ECHDC3: variants seen among roughly 807,000 people sequenced by gnomAD.
ECHDC3 encodes enoyl-CoA hydratase domain containing 3.
ECHDC3 carries 20 observed loss-of-function variants against 17.9 expected under a neutral mutation model. That is an observed-to-expected ratio of 1.12 (90% CI 0.79 to 1.63). The LOEUF is 1.63. Among genes scored for constraint, ECHDC3 ranks in the 40% most tolerant of loss-of-function variants. The probability of loss-of-function intolerance (pLI) is 0.00; values close to 1 mark genes in which losing one functional copy is unlikely to be tolerated. For missense variants in ECHDC3, 407 were observed against 357.7 expected (o/e 1.14, Z -1.11); for synonymous variants, 177 against 149.7 (o/e 1.18, Z -1.33).
intron 1 of ECHDC3, among the ~76,000 whole-genome samples, chr10:11,746,805 G>A (rs1172353391): frequency 6.6e-6 from 1 of 152,002 alleles, no homozygotes; most frequent in Non-Finnish European, 1.5e-5. Context: ...TGTGGTGGCG[G>A]GCACCTGTAG....
At chr10:11,755,690 C>T (rs1310418766) in intron 4 of ECHDC3, 82 bp downstream of exon 4, 10 of 1,333,122 alleles carry the variant, frequency 7.5e-6, no homozygotes, top group Admixed American at 2.1e-5. Flanking sequence ...ATTCAAGATC[C>T]GCTTGTTAAA....
At chr10:11,743,027 C>A (rs968277114) in intron 1 of ECHDC3, 14 of 309,854 alleles carry the variant, frequency 4.5e-5, no homozygotes, top group Non-Finnish European at 6.5e-5. Flanking sequence ...GGGCTCTGGG[C>A]CCCAGACCCG....
At position 11,763,540 on chromosome 10, in the gene ECHDC3, TGTGA is replaced by T; in HGVS notation, c.912_*3del. 1 of 1,496,126 alleles carries T rather than the reference TGTGA, an allele frequency of 6.7e-7. No individual in the cohort carries two copies. The highest frequency in any genetic ancestry group is 9.0e-7 in the Non-Finnish European group (1 of 1,109,454). The allele number at this position is 1,496,126 out of a possible 1,614,324, so 92.7% of individuals were successfully genotyped here. ...AAACCTGTCTGGTCACACGAGCCAG[TGTGA>T]GTGGAGGCAGAGGAGTGAGGCCCAC... On this transcript the variant is annotated frameshift_variant and stop_lost, in exon 5 of 5. Transcript: ENST00000379215. LOFTEE classifies it high-confidence loss of function. The surrounding 1 kb of genome is among the most constrained non-coding windows in gnomAD (Gnocchi z 4.9).
intron 1 of ECHDC3, among the ~76,000 whole-genome samples, chr10:11,746,222 GGAGCCTGAGGCAA>G (rs1363046701): frequency 6.6e-6 from 1 of 151,710 alleles, no homozygotes; most frequent in Non-Finnish European, 1.5e-5. Context: ...CAGCTACTTG[GGAGCCTGAGGCAA>G]GAGAATCACT....
intron 1 of ECHDC3, among the ~76,000 whole-genome samples, chr10:11,744,789 G>C (rs1832742768): frequency 6.6e-6 from 1 of 152,176 alleles, no homozygotes; most frequent in African/African-American, 2.4e-5. Flanking sequence ...GCACTGCTCA[G>C]ATAAGAAAGA....
chr10:11,752,034 G>A (rs1050549957), intron 3 of ECHDC3: 1 of 152,018 alleles, frequency 6.6e-6, no homozygotes, highest in African/African-American at 2.4e-5. Context: ...ACTATCAAGT[G>A]TTTGATTATT....
intron 3 of ECHDC3, among the ~76,000 whole-genome samples, chr10:11,750,145 A>G (rs1247007539): frequency 6.6e-6 from 1 of 152,102 alleles, no homozygotes; most frequent in Non-Finnish European, 1.5e-5. Context: ...ATTTTGTTTT[A>G]TACCAAAGAA....
intron 3 of ECHDC3, 110 bp downstream of exon 3, chr10:11,749,702 C>G (rs1832802345): frequency 2.3e-6 from 2 of 880,122 alleles, no homozygotes; most frequent in Non-Finnish European, 3.4e-6. Flanking sequence ...ACCCAAACAC[C>G]CAGAGCAACT....
intron 1 of ECHDC3, chr10:11,742,947 A>C (rs1424863929): frequency 2.6e-5 from 13 of 498,548 alleles, no homozygotes; most frequent in East Asian, 4.0e-5. Context: ...CGGGGCTCCA[A>C]AGCCCTCAGG....
At position 11,751,502 on chromosome 10, in the gene ECHDC3, A is replaced by T. The variant is rs779201360; in HGVS notation, c.390+1910A>T. On this transcript the variant is annotated intron_variant, in intron 3 of 4. Transcript: ENST00000379215. ...CATTTCCAAGTGAAATCAACAGCAG[A>T]TTGGAACAGAATGAGCTAGATATTT... is the stretch of plus-strand genomic sequence containing the variant. Among the ~76,000 whole-genome samples the T allele has an allele frequency of 2.0e-5, 3 of 152,252 alleles. No individual in the cohort carries two copies. In the South Asian group the frequency reaches 6.2e-4, roughly 31 times the overall value.
At chr10:11,759,055 T>C (rs1832916260) in intron 4 of ECHDC3, among the ~76,000 whole-genome samples, 1 of 152,138 alleles carries the variant, frequency 6.6e-6, no homozygotes, top group Non-Finnish European at 1.5e-5. Flanking sequence ...TCAGTGACTT[T>C]ATGAAAACAG....
intron 1 of ECHDC3, among the ~76,000 whole-genome samples, chr10:11,744,425 G>C (rs1301229930): frequency 1.3e-5 from 2 of 151,518 alleles, no homozygotes; most frequent in East Asian, 3.8e-4. Context: ...AACAGATATT[G>C]AGTGTCTTCT....
chr10:11,759,342 A>G (rs1406252247), intron 4 of ECHDC3, among the ~76,000 whole-genome samples: 10 of 145,052 alleles, frequency 6.9e-5, no homozygotes, highest in Non-Finnish European at 1.5e-4. Flanking sequence ...CAACAACAGC[A>G]AAACTCCATC....
chr10:11,763,227 G>T lies in ECHDC3; in HGVS notation c.595G>T (p.Ala199Ser). 1 of 775,258 alleles carries T rather than the reference G, an allele frequency of 1.3e-6. No homozygotes were observed. 48.0% of individuals were successfully genotyped at this position (775,258 alleles called of 1,614,324 possible). ...GACATCCCGTGTCTCCCCGTAGGTG[G>T]CCTTGGAGATGCTCTTTACTGGTGA... ...ALARAVPRKV[A>S]LEMLFTGEPI... Residue 199 changes from alanine to serine, a missense_variant, in exon 5 of 5, where the codon GCC becomes TCC. Coordinates refer to ENST00000379215, the MANE Select transcript of ECHDC3 (RefSeq NM_024693.5). The surrounding 1 kb of genome is among the most constrained non-coding windows in gnomAD (Gnocchi z 4.9).
rs368164523 is a variant in ECHDC3, at chr10:11,763,936, A to T, written c.*392A>T. On this transcript the variant is annotated 3_prime_UTR_variant, in exon 5 of 5. Transcript: ENST00000379215. The surrounding 1 kb of genome is among the most constrained non-coding windows in gnomAD (Gnocchi z 4.9). ...TAAGCAGAGTTAATCCTGGCTGCTC[A>T]GGAGAGGCGACACATTTCAAATCTC... The T allele has an allele frequency of 4.7e-5, 47 of 1,002,928 alleles. No individual in the cohort carries two copies. In the South Asian group the frequency reaches 1.8e-3, roughly 38 times the overall value. 62.1% of individuals were successfully genotyped at this position (1,002,928 alleles called of 1,614,324 possible). A position where few individuals can be genotyped will look rare whatever the true frequency, so the allele number is the denominator to read the frequency against.
chr10:11,763,302 G>A lies in ECHDC3; in HGVS notation c.670G>A (p.Val224Met). ...ALLHGLLSKV[V>M]PEAELQEETM... ...GCTCCACGGGCTGCTTAGCAAGGTG[G>A]TGCCAGAGGCGGAGCTGCAGGAGGA... The change falls in exon 5 of 5, where the codon GTG (valine) becomes ATG (methionine). Residue 224 changes from valine to methionine, a missense_variant. Transcript: ENST00000379215. This position sits in a 1 kb window ranked among gnomAD's most constrained non-coding sequence, Gnocchi z 4.9. 1.3e-6 allele frequency: 1 copy of A among 780,432 alleles called. No individual in the cohort carries two copies. The highest frequency in any genetic ancestry group is 2.4e-6 in the Non-Finnish European group (1 of 418,144). The allele number at this position is 780,432 out of a possible 1,614,324, so 48.3% of individuals were successfully genotyped here.
At chr10:11,743,768 T>C (rs7474586) in intron 1 of ECHDC3, among the ~76,000 whole-genome samples, 55,418 of 152,126 alleles carry the variant, frequency 0.36, 10,265 homozygotes, top group East Asian at 0.53. Flanking sequence ...CAGGCCAGGG[T>C]CTTTCTTGCC....
chr10:11,745,959 G>A (rs1832754408), intron 1 of ECHDC3, among the ~76,000 whole-genome samples: 1 of 152,152 alleles, frequency 6.6e-6, no homozygotes, highest in African/African-American at 2.4e-5. Flanking sequence ...TGTGTGGCTT[G>A]TACTTTTTTC....
intron 1 of ECHDC3, among the ~76,000 whole-genome samples, chr10:11,746,822 C>G (rs1832766329): frequency 6.6e-6 from 1 of 152,104 alleles, no homozygotes; most frequent in Non-Finnish European, 1.5e-5. Context: ...GTAGTCCCAG[C>G]TACTCGGGAG....
Sources: gnomAD v4.1 joint callset for allele counts (sites outside exome capture counted in the v4.1 genomes callset) on GRCh38, gnomAD v4.1.1 for gene constraint, Gnocchi (gnomAD v3.1) non-coding constraint, MANE v1.5 for transcripts, NCBI Gene and HGNC (gene_info 2026-07-23, HGNC 2026-07-21) for gene names.